The following PSMC4 variants were observed in gnomAD, a reference collection of about 807,000 sequenced individuals.
The protein encoded by PSMC4 is 26S proteasome regulatory subunit 6B.
Under a neutral mutation model 48.4 loss-of-function variants are expected in PSMC4, and 13 were observed. That is an observed-to-expected ratio of 0.27 (90% CI 0.18 to 0.43). The LOEUF is 0.43. PSMC4 is among the 20% of genes least tolerant of loss of function. PSMC4 has a pLI of 1.00. For missense variants in PSMC4, 262 were observed against 555.9 expected (o/e 0.47, Z 5.32); for synonymous variants, 202 against 212.3 (o/e 0.95, Z 0.42).
At position 39,978,030 on chromosome 19, in the gene PSMC4, G is replaced by A. The variant is rs186436873; in HGVS notation, c.674-1787G>A. Among the ~76,000 whole-genome samples the A allele has an allele frequency of 1.2e-4, 18 of 152,244 alleles. No individual in the cohort carries two copies. In the East Asian group the frequency reaches 3.5e-3, roughly 29 times the overall value. On this transcript the variant is annotated intron_variant, in intron 6 of 10. Transcript: ENST00000157812. ...AGTAGAGACAGGGTCTTGCTATGTTGCCCAGGCTGGTCTTGAACTCCTGGG... is the reference window on the plus strand; with the variant it reads ...AGTAGAGACAGGGTCTTGCTATGTTACCCAGGCTGGTCTTGAACTCCTGGG...
intron 3 of PSMC4, among the ~76,000 whole-genome samples, chr19:39,972,863 A>T (rs1417269989): frequency 2.0e-5 from 3 of 151,960 alleles, no homozygotes; most frequent in African/African-American, 7.3e-5. Context: ...CTCCTGTCTC[A>T]GCCTCCCAAG....
Position 39,980,647 on chromosome 19 carries a change from C to T in PSMC4, c.1088-15C>T, listed in dbSNP as rs1479935522. The T allele has an allele frequency of 1.2e-6, 2 of 1,613,826 alleles. No homozygotes were observed. The highest frequency in any genetic ancestry group is 1.7e-6 in the Non-Finnish European group (2 of 1,179,790). On this transcript the variant is annotated splice_polypyrimidine_tract_variant and intron_variant, in intron 9 of 10. Coordinates refer to ENST00000157812, the MANE Select transcript of PSMC4 (RefSeq NM_006503.4). The surrounding 1 kb of genome is among the most constrained non-coding windows in gnomAD (Gnocchi z 4.8). Reference sequence around the variant, plus strand: ...ACCCCATCACACAGGGAATAGTTTCCTTAACTCGCTGCAGATGTGGCCCGG... The same window carrying T: ...ACCCCATCACACAGGGAATAGTTTCTTTAACTCGCTGCAGATGTGGCCCGG...
chr19:39,972,609 C>G (rs117929492), intron 3 of PSMC4, 54 bp downstream of exon 3: 33,988 of 1,519,014 alleles, frequency 0.022, 465 homozygotes, highest in Non-Finnish European at 0.027. Flanking sequence ...CTATTTCCTA[C>G]CATGTGCTAG....
chr19:39,974,231 A>G lies in PSMC4; in HGVS notation c.323-63A>G, dbSNP rs949639528. The G allele has an allele frequency of 1.3e-6, 2 of 1,587,676 alleles. No homozygotes were observed. Among genetic ancestry groups the G allele is most frequent in the Non-Finnish European group, 1.7e-6 (2 of 1,163,346 alleles). On this transcript the variant is annotated intron_variant, in intron 3 of 10. Transcript: ENST00000157812. The surrounding 1 kb of genome is among the most constrained non-coding windows in gnomAD (Gnocchi z 5.5). ...TGTTGGGGTGTGGAGATTAGGAGGG[A>G]GGAAGGGGGAAGGGGCAGTTTCCAG...
rs750884187 is a variant in PSMC4 at position 39,980,741 on chromosome 19, T to C, written c.1143+24T>C. On this transcript the variant is annotated intron_variant, in intron 10 of 10. Coordinates refer to ENST00000157812, the MANE Select transcript of PSMC4 (RefSeq NM_006503.4). The surrounding 1 kb of genome is among the most constrained non-coding windows in gnomAD (Gnocchi z 4.8). ...AGGTAAGTGGTGGTTTCTCTCTGGA[T>C]CCAGGCAGCGGGTGTGTGAGGACCC... The C allele has an allele frequency of 6.2e-7, 1 of 1,610,816 alleles. No homozygotes were observed. Among genetic ancestry groups the C allele is most frequent in the Non-Finnish European group, 8.5e-7 (1 of 1,177,036 alleles).
In PSMC4 at chr19:39,974,960, C is replaced by A; in HGVS notation, c.673+132C>A. ...ATAGCCCACGTGTGCATGTTACTGG[C>A]TGTGCTGACTTCACCTCCTTGGGCC... On this transcript the variant is annotated intron_variant, in intron 6 of 10. Transcript: ENST00000157812. The surrounding 1 kb of genome is among the most constrained non-coding windows in gnomAD (Gnocchi z 5.5). 1.2e-6 allele frequency: 1 copy of A among 848,144 alleles called. No homozygotes were observed. Among genetic ancestry groups the A allele is most frequent in the Non-Finnish European group, 1.8e-6 (1 of 551,990 alleles). The allele number at this position is 848,144 out of a possible 1,614,324, so 52.5% of individuals were successfully genotyped here.
intron 6 of PSMC4, among the ~76,000 whole-genome samples, chr19:39,976,711 G>A (rs368315467): frequency 4.0e-5 from 6 of 151,662 alleles, no homozygotes; most frequent in South Asian, 2.1e-4. Context: ...GGGTTTCACC[G>A]TGTTAGCCAG....
In PSMC4 at chr19:39,972,262, C is replaced by A. The variant is rs771580978; in HGVS notation, c.135+18C>A. 2 of 1,612,364 alleles carry A rather than the reference C, an allele frequency of 1.2e-6. No homozygotes were observed. Among genetic ancestry groups the A allele is most frequent in the Non-Finnish European group, 1.7e-6 (2 of 1,178,640 alleles). On this transcript the variant is annotated intron_variant, in intron 2 of 10. Coordinates refer to ENST00000157812, the MANE Select transcript of PSMC4 (RefSeq NM_006503.4). ...GCTACAAGGTACATTCGACCCCCAA[C>A]CCAGACCTTGCACAGGACCTGACAT... is the stretch of plus-strand genomic sequence containing the variant.
chr19:39,978,132 G>A (rs981839601), intron 6 of PSMC4, among the ~76,000 whole-genome samples: 1 of 151,976 alleles, frequency 6.6e-6, no homozygotes, highest in African/African-American at 2.4e-5. Context: ...CTTGTTTTTC[G>A]GGGGGAATTC....
chr19:39,977,896 C>T (rs1055974744), intron 6 of PSMC4, among the ~76,000 whole-genome samples: 1 of 151,638 alleles, frequency 6.6e-6, no homozygotes, highest in South Asian at 2.1e-4. Context: ...TAGCCCACTG[C>T]AACCTTAATC....
At chr19:39,978,158 T>C (rs1971235017) in intron 6 of PSMC4, among the ~76,000 whole-genome samples, 1 of 152,070 alleles carries the variant, frequency 6.6e-6, no homozygotes, top group South Asian at 2.1e-4. Context: ...TTTGTTCCGG[T>C]GACAGCACAG....
In PSMC4 at chr19:39,972,428, A is replaced by G. The variant is rs748474053; in HGVS notation, c.195A>G (p.Gln65=). 2.5e-6 allele frequency: 4 copies of G among 1,614,036 alleles called. No homozygotes were observed. Among genetic ancestry groups the G allele is most frequent in the Non-Finnish European group, 3.4e-6 (4 of 1,180,020 alleles). The part of the protein sequence containing the change: ...EVQEEYIKDE[Q]KNLKKEFLHA... Reference sequence around the variant, plus strand: ...AGGAGGAATACATCAAAGATGAGCAAAAGAACCTGAAAAAGGAATTTCTCC... The same window carrying G: ...AGGAGGAATACATCAAAGATGAGCAGAAGAACCTGAAAAAGGAATTTCTCC... The change falls in exon 3 of 11, where the codon CAA becomes CAG. Residue 65 remains glutamine (Q), a synonymous_variant. Coordinates refer to ENST00000157812, the MANE Select transcript of PSMC4 (RefSeq NM_006503.4).
intron 6 of PSMC4, among the ~76,000 whole-genome samples, chr19:39,977,963 C>T (rs1418587774): frequency 2.0e-5 from 3 of 152,082 alleles, no homozygotes; most frequent in Middle Eastern, 3.4e-3. Flanking sequence ...GGACTACAGG[C>T]GTGTGCCACC....
intron 6 of PSMC4, among the ~76,000 whole-genome samples, chr19:39,978,664 G>C (rs1321293114): frequency 6.6e-6 from 1 of 151,984 alleles, no homozygotes; most frequent in African/African-American, 2.4e-5. Flanking sequence ...GAGTCCTGGG[G>C]GTATGCTTCA....
At chr19:39,973,923 G>A (rs1259589236) in intron 3 of PSMC4, among the ~76,000 whole-genome samples, 1 of 151,618 alleles carries the variant, frequency 6.6e-6, no homozygotes, top group Non-Finnish European at 1.5e-5. Context: ...CATGGGTAGA[G>A]GAGTAGGTTT....
intron 3 of PSMC4, among the ~76,000 whole-genome samples, chr19:39,973,181 A>C (rs564101668): frequency 1.3e-5 from 2 of 152,306 alleles, no homozygotes; most frequent in South Asian, 4.1e-4. Context: ...ATCCTATTCT[A>C]GTCTGTTTTG....
Position 39,980,009 on chromosome 19 carries a change from G to T in PSMC4, c.841+25G>T. 1 of 1,613,768 alleles carries T rather than the reference G, an allele frequency of 6.2e-7. No individual in the cohort carries two copies. Among genetic ancestry groups the T allele is most frequent in the Non-Finnish European group, 8.5e-7 (1 of 1,179,860 alleles). On this transcript the variant is annotated intron_variant, in intron 7 of 10. Transcript: ENST00000157812. The surrounding 1 kb of genome is among the most constrained non-coding windows in gnomAD (Gnocchi z 4.8). ...GGTAAGTGATGCTGAAACAAGGCCC[G>T]GGGTCTTGGACAGGCTTGTCGCATG...
rs200850108 is a variant in PSMC4 at position 39,980,125 on chromosome 19, T to C, written c.897T>C (p.Phe299=). Residue 299 remains phenylalanine, a synonymous_variant, in exon 8 of 11, where the codon TTT becomes TTC. Transcript: ENST00000157812. This position sits in a 1 kb window ranked among gnomAD's most constrained non-coding sequence, Gnocchi z 4.8. ...LLELLNQMDG[F]DQNVNVKVIM... ...AGCTGCTGAATCAGATGGATGGATT[T>C]GATCAGAATGTCAATGTCAAGGTTT... is the stretch of plus-strand genomic sequence containing the variant. 2.5e-6 allele frequency: 4 copies of C among 1,614,088 alleles called. No individual in the cohort carries two copies. The African/African-American group carries it at 4.0e-5, about 16-fold the overall frequency.
intron 6 of PSMC4, among the ~76,000 whole-genome samples, chr19:39,975,510 G>C (rs1971183130): frequency 6.6e-6 from 1 of 151,830 alleles, no homozygotes; most frequent in Admixed American, 6.6e-5. Context: ...CATATGTTCA[G>C]ATCTTAACAC....
Sources: allele counts gnomAD v4.1 joint callset (sites outside exome capture counted in the v4.1 genomes callset), GRCh38; gene constraint gnomAD v4.1.1; non-coding constraint Gnocchi (gnomAD v3.1); transcripts MANE v1.5; gene names NCBI Gene and HGNC (gene_info 2026-07-23, HGNC 2026-07-21).